HCN1: variants seen among roughly 807,000 people sequenced by gnomAD.
The protein encoded by HCN1 is hyperpolarization activated cyclic nucleotide gated potassium channel 1.
Under a neutral mutation model 78.9 loss-of-function variants are expected in HCN1, and 13 were observed. That is an observed-to-expected ratio of 0.16 (90% CI 0.11 to 0.26). The LOEUF (loss-of-function observed/expected upper bound fraction) is 0.26, where lower values mean the gene tolerates loss of function less well. Among genes scored for constraint, HCN1 ranks in the 10% least tolerant of loss-of-function variants. The pLI is 1.00. For synonymous variants in HCN1, 552 were observed against 455.5 expected (o/e 1.21, Z -2.70); for missense variants, 810 against 1,154.3 (o/e 0.70, Z 4.32).
intron 7 of HCN1, among the ~76,000 whole-genome samples, chr5:45,266,841 T>C (rs1381206309): frequency 6.6e-6 from 1 of 151,976 alleles, no homozygotes; most frequent in African/African-American, 2.4e-5. Flanking sequence ...TCTGAGTGGC[T>C]GGGATTACAG....
At chr5:45,384,499 A>C (rs1747875781) in intron 4 of HCN1, among the ~76,000 whole-genome samples, 1 of 152,176 alleles carries the variant, frequency 6.6e-6, no homozygotes, top group South Asian at 2.1e-4. Flanking sequence ...TTTTTAAGTG[A>C]AGATTTATTT....
intron 2 of HCN1, among the ~76,000 whole-genome samples, chr5:45,580,479 C>G (rs866625443): frequency 6.6e-6 from 1 of 152,048 alleles, no homozygotes; most frequent in Non-Finnish European, 1.5e-5. Flanking sequence ...TGATTTAACT[C>G]AGTGAGAACC....
chr5:45,590,001 G>T (rs1744326917), intron 2 of HCN1, among the ~76,000 whole-genome samples: 1 of 152,056 alleles, frequency 6.6e-6, no homozygotes, highest in South Asian at 2.1e-4. Flanking sequence ...ATATCAATTG[G>T]ATGACTATGA....
At chr5:45,331,120 G>C (rs1371956615) in intron 5 of HCN1, among the ~76,000 whole-genome samples, 1 of 150,940 alleles carries the variant, frequency 6.6e-6, no homozygotes, top group Non-Finnish European at 1.5e-5. Context: ...ATTATCTTTG[G>C]CATTGAACAG....
chr5:45,267,022 A>T (rs1254729356), intron 7 of HCN1, 67 bp downstream of exon 7: 2 of 1,372,530 alleles, frequency 1.5e-6, no homozygotes, highest in African/African-American at 1.5e-5. Context: ...TTTGGGACTT[A>T]TAATTGCAAA....
chr5:45,335,158 G>A (rs1489493048), intron 5 of HCN1, among the ~76,000 whole-genome samples: 1 of 151,916 alleles, frequency 6.6e-6, no homozygotes, highest in African/African-American at 2.4e-5. Flanking sequence ...GATCAGTTCT[G>A]AACTTTGGAG....
intron 7 of HCN1, among the ~76,000 whole-genome samples, chr5:45,264,251 G>A (rs973315546): frequency 1.3e-5 from 2 of 152,146 alleles, no homozygotes; most frequent in African/African-American, 4.8e-5. Flanking sequence ...ATCATCTTCT[G>A]AGTGGTTTGC....
chr5:45,275,857 A>G (rs751818636), intron 6 of HCN1, among the ~76,000 whole-genome samples: 2 of 152,180 alleles, frequency 1.3e-5, no homozygotes, highest in South Asian at 2.1e-4. Flanking sequence ...CTGTCTTTAA[A>G]AATTCACCAG....
At chr5:45,680,291 C>T (rs757753826) in intron 1 of HCN1, among the ~76,000 whole-genome samples, 1 of 152,042 alleles carries the variant, frequency 6.6e-6, no homozygotes, top group Non-Finnish European at 1.5e-5. Flanking sequence ...TCTGGAATCA[C>T]AACAGTGTAA....
At position 45,262,299 on chromosome 5, in the gene HCN1, A is replaced by G. The variant is rs933648147; in HGVS notation, c.2295T>C (p.Asn765=). The G allele has an allele frequency of 7.5e-5, 121 of 1,613,662 alleles. No individual in the cohort carries two copies. The highest frequency in any genetic ancestry group is 1.5e-4 in the Admixed American group (9 of 59,996). The stretch of plus-strand genomic sequence containing the variant: ...GCGCCTGCGTGCTCTTGTGCACTTC[A>G]TTTTTCGGCGTGGAGCTGCCAGGTG... ...PQTPGSSTPK[N]EVHKSTQALH... is the part of the protein sequence containing the mutation. Residue 765 remains asparagine, a synonymous_variant, in exon 8 of 8, where the codon AAT becomes AAC. Coordinates refer to ENST00000303230, the MANE Select transcript of HCN1 (RefSeq NM_021072.4).
intron 3 of HCN1, among the ~76,000 whole-genome samples, chr5:45,399,605 G>T (rs1579868949): frequency 6.6e-6 from 1 of 152,056 alleles, no homozygotes; most frequent in African/African-American, 2.4e-5. Flanking sequence ...GGGTAGTTTT[G>T]TTTGTTGTTA....
intron 2 of HCN1, among the ~76,000 whole-genome samples, chr5:45,557,686 G>T (rs1446908371): frequency 6.6e-6 from 1 of 151,902 alleles, no homozygotes; most frequent in Non-Finnish European, 1.5e-5. Context: ...CTTTTTCTTT[G>T]TTACTATATC....
At chr5:45,571,037 C>G (rs995074794) in intron 2 of HCN1, among the ~76,000 whole-genome samples, 1 of 152,056 alleles carries the variant, frequency 6.6e-6, no homozygotes, top group Non-Finnish European at 1.5e-5. Context: ...GTACAAGGGA[C>G]AATTCATGCT....
chr5:45,574,879 G>A (rs1357077745), intron 2 of HCN1: 2 of 152,304 alleles, frequency 1.3e-5, no homozygotes, highest in Non-Finnish European at 2.9e-5. Context: ...TCCTAATCCA[G>A]ACCAAGGCAG....
At chr5:45,439,761 C>G (rs1579895727) in intron 3 of HCN1, among the ~76,000 whole-genome samples, 1 of 152,016 alleles carries the variant, frequency 6.6e-6, no homozygotes, top group East Asian at 1.9e-4. Flanking sequence ...TTTAAAATAG[C>G]TAGCTAATGA....
At chr5:45,694,569 T>C (rs1229397733) in intron 1 of HCN1, among the ~76,000 whole-genome samples, 1 of 152,228 alleles carries the variant, frequency 6.6e-6, no homozygotes, top group East Asian at 1.9e-4. Context: ...GAATACTTAG[T>C]ATATGCACAT....
chr5:45,427,957 G>T (rs1014175268), intron 3 of HCN1, among the ~76,000 whole-genome samples: 1 of 151,954 alleles, frequency 6.6e-6, no homozygotes, highest in Non-Finnish European at 1.5e-5. Context: ...TATATCCTCA[G>T]CCTGTGAAAT....
chr5:45,472,958 T>C (rs1442811195), intron 2 of HCN1, among the ~76,000 whole-genome samples: 2 of 151,898 alleles, frequency 1.3e-5, no homozygotes, highest in African/African-American at 4.8e-5. Context: ...CTTTTTTGTG[T>C]GTCTAGCTTT....
At chr5:45,572,347 C>A (rs1435117514) in intron 2 of HCN1, among the ~76,000 whole-genome samples, 5 of 152,122 alleles carry the variant, frequency 3.3e-5, no homozygotes, top group Admixed American at 6.6e-5. Context: ...TATTTGGTAT[C>A]TTTATGCTTA....
Sources: allele counts gnomAD v4.1 joint callset (sites outside exome capture counted in the v4.1 genomes callset), GRCh38; gene constraint gnomAD v4.1.1; transcripts MANE v1.5; gene names NCBI Gene and HGNC (gene_info 2026-07-23, HGNC 2026-07-21).